PBX1: variants seen among roughly 807,000 people sequenced by gnomAD.
PBX1 encodes pre-B-cell leukemia transcription factor 1.
A neutral mutation model predicts 53.4 loss-of-function variants in PBX1; 6 were observed. The ratio of observed to expected loss-of-function variants is 0.11; its 90% CI spans 0.06 to 0.22. The LOEUF (loss-of-function observed/expected upper bound fraction) is 0.22, where lower values mean the gene tolerates loss of function less well. Among genes scored for constraint, PBX1 ranks in the 10% least tolerant of loss-of-function variants. The probability of loss-of-function intolerance (pLI) is 1.00; values close to 1 mark genes in which losing one functional copy is unlikely to be tolerated. For synonymous variants in PBX1, 204 were observed against 212.3 expected, an observed-to-expected ratio of 0.96 and a Z score of 0.34; for missense variants, 251 against 551.4, an observed-to-expected ratio of 0.46 and a Z score of 5.46.
chr1:164,756,024 A>G (rs1357953758), intron 2 of PBX1, among the ~76,000 whole-genome samples: 5 of 151,938 alleles, frequency 3.3e-5, no homozygotes, highest in African/African-American at 9.7e-5. Flanking sequence ...AAGAAAGAAA[A>G]AAACCCTTCC....
At chr1:164,872,347 A>G (rs1348084569) in intron 2 of PBX1, among the ~76,000 whole-genome samples, 1 of 152,170 alleles carries the variant, frequency 6.6e-6, no homozygotes, top group African/African-American at 2.4e-5. Flanking sequence ...ACCCATATCT[A>G]TAGTCCCTGT....
At chr1:164,707,831 A>G (rs1663529242) in intron 2 of PBX1, among the ~76,000 whole-genome samples, 1 of 152,206 alleles carries the variant, frequency 6.6e-6, no homozygotes, top group African/African-American at 2.4e-5. Flanking sequence ...ATTTCCCACT[A>G]AATAGAGATC....
intron 2 of PBX1, among the ~76,000 whole-genome samples, chr1:164,693,004 C>G (rs1382442138): frequency 6.6e-6 from 1 of 152,208 alleles, no homozygotes; most frequent in Non-Finnish European, 1.5e-5. Flanking sequence ...CTGTGCTAAT[C>G]CCCAGAGAGG....
chr1:164,653,326 A>G (rs1015617954), intron 2 of PBX1, among the ~76,000 whole-genome samples: 1 of 150,672 alleles, frequency 6.6e-6, no homozygotes, highest in African/African-American at 2.4e-5. Context: ...ATACACCACA[A>G]TTTTTTTATC....
At chr1:164,820,251 A>G (rs1380286156) in intron 7 of PBX1, 67 bp downstream of exon 7, 2 of 892,832 alleles carry the variant, frequency 2.2e-6, no homozygotes, top group Non-Finnish European at 1.9e-6. Context: ...GTTGTATTGG[A>G]CTTCCTGCTT....
intron 8 of PBX1, among the ~76,000 whole-genome samples, chr1:164,831,649 A>G (rs1415313578): frequency 6.6e-6 from 1 of 152,160 alleles, no homozygotes; most frequent in African/African-American, 2.4e-5. Flanking sequence ...TCAGCCTCCC[A>G]AAGTGCTGAG....
chr1:164,656,459 G>T (rs12047043), intron 2 of PBX1, among the ~76,000 whole-genome samples: 25,116 of 152,114 alleles, frequency 0.17, 2,166 homozygotes, highest in South Asian at 0.21. Flanking sequence ...AGTCAGAAAA[G>T]AATTCATCTC....
chr1:164,707,279 G>A (rs1663473293), intron 2 of PBX1, among the ~76,000 whole-genome samples: 1 of 152,044 alleles, frequency 6.6e-6, no homozygotes, highest in Non-Finnish European at 1.5e-5. Flanking sequence ...ATTTTATTTG[G>A]CAGTATTTCC....
At chr1:164,704,498 C>T (rs1334309772) in intron 2 of PBX1, among the ~76,000 whole-genome samples, 1 of 152,076 alleles carries the variant, frequency 6.6e-6, no homozygotes, top group African/African-American at 2.4e-5. Context: ...CTCAAGAATT[C>T]GGAGCTATGA....
At chr1:164,626,461 G>A in intron 2 of PBX1, among the ~76,000 whole-genome samples, 1 of 152,176 alleles carries the variant, frequency 6.6e-6, no homozygotes, top group East Asian at 1.9e-4. Flanking sequence ...AGGAATCGGT[G>A]TATGGACTGT....
intron 2 of PBX1, among the ~76,000 whole-genome samples, chr1:164,880,966 C>A (rs1672631686): frequency 6.6e-6 from 1 of 152,224 alleles, no homozygotes; most frequent in East Asian, 1.9e-4. Flanking sequence ...AAGAAAACCC[C>A]TCTGACTAGG....
chr1:164,564,686 T>C (rs930588835), intron 2 of PBX1, among the ~76,000 whole-genome samples: 15 of 152,282 alleles, frequency 9.9e-5, no homozygotes, highest in Admixed American at 3.9e-4. Flanking sequence ...TTGCATTATT[T>C]TAGCTGTGAG....
At chr1:164,710,659 C>T (rs897498684) in intron 2 of PBX1, among the ~76,000 whole-genome samples, 9 of 152,140 alleles carry the variant, frequency 5.9e-5, no homozygotes, top group South Asian at 2.1e-4. Context: ...GATCTGCCCG[C>T]CTTGGCCCCC....
At chr1:164,700,493 C>T (rs1275152148) in intron 2 of PBX1, 1 of 985,158 alleles carries the variant, frequency 1.0e-6, no homozygotes, top group Admixed American at 6.1e-5. Context: ...CCGAAGGTTT[C>T]TTGCTACTCT....
intron 2 of PBX1, among the ~76,000 whole-genome samples, chr1:164,580,414 G>A (rs1654527537): frequency 6.6e-6 from 1 of 152,160 alleles, no homozygotes; most frequent in Non-Finnish European, 1.5e-5. Context: ...GAGTAGCTGG[G>A]ATTACAGGCG....
chr1:164,680,044 G>A (rs1661669202), intron 2 of PBX1: 1 of 152,156 alleles, frequency 6.6e-6, no homozygotes. Flanking sequence ...GCGAGAGTAA[G>A]ACCATGGAGT....
intron 2 of PBX1, among the ~76,000 whole-genome samples, chr1:164,776,362 G>A (rs531549672): frequency 7.2e-5 from 11 of 152,200 alleles, no homozygotes; most frequent in Non-Finnish European, 1.3e-4. Flanking sequence ...TGCTCTGGAA[G>A]GGGTACTGGG....
At chr1:164,717,832 G>C (rs1400773062) in intron 2 of PBX1, among the ~76,000 whole-genome samples, 1 of 152,156 alleles carries the variant, frequency 6.6e-6, no homozygotes, top group East Asian at 1.9e-4. Context: ...CCTGCTCCCT[G>C]TCCAGGACTT....
At chr1:164,720,378 G>A (rs2130166) in intron 2 of PBX1, among the ~76,000 whole-genome samples, 55,221 of 151,868 alleles carry the variant, frequency 0.36, 10,620 homozygotes, top group East Asian at 0.57. Flanking sequence ...ATCTTTTACT[G>A]TATGTGAAGT....
Sources: gnomAD v4.1 joint callset for allele counts (sites outside exome capture counted in the v4.1 genomes callset) on GRCh38, gnomAD v4.1.1 for gene constraint, MANE v1.5 for transcripts, NCBI Gene and HGNC (gene_info 2026-07-23, HGNC 2026-07-21) for gene names.